PLCG2: variants seen among roughly 807,000 people sequenced by gnomAD.
PLCG2 encodes the protein 1-phosphatidylinositol 4,5-bisphosphate phosphodiesterase gamma-2.
PLCG2 carries 69 observed loss-of-function variants against 175.6 expected under a neutral mutation model. The observed-to-expected ratio is 0.39, with a 90% confidence interval of 0.32 to 0.48. PLCG2 has a LOEUF of 0.48. Ranked by LOEUF, PLCG2 falls within the 20% of genes least tolerant of loss-of-function variation. The pLI is 0.91. For missense variants in PLCG2, 1,798 were observed against 1,650.9 expected, an observed-to-expected ratio of 1.09 and a Z score of -1.54; for synonymous variants, 827 against 624.0, an observed-to-expected ratio of 1.33 and a Z score of -4.85.
At chr16:81,753,579 C>T (rs1392835352) in intron 1 of PLCG2, among the ~76,000 whole-genome samples, 1 of 152,020 alleles carries the variant, frequency 6.6e-6, no homozygotes, top group East Asian at 1.9e-4. Context: ...TTACCACGCC[C>T]AGCTAATTTT....
intron 7 of PLCG2, among the ~76,000 whole-genome samples, chr16:81,880,324 G>T (rs775006710): frequency 3.3e-5 from 5 of 152,194 alleles, no homozygotes; most frequent in African/African-American, 1.2e-4. Context: ...GAGCACCTTG[G>T]CAGAATTTAT....
At chr16:81,766,693 T>G (rs2143099760) in intron 2 of PLCG2, 1 of 152,400 alleles carries the variant, frequency 6.6e-6, no homozygotes, top group South Asian at 2.1e-4. Context: ...ATTTTGTCTT[T>G]TTTTCCCCTT....
chr16:81,939,324 G>A (rs753096673), intron 29 of PLCG2, among the ~76,000 whole-genome samples: 39 of 152,204 alleles, frequency 2.6e-4, no homozygotes, highest in Non-Finnish European at 4.3e-4. Flanking sequence ...GGGCAGGAGG[G>A]ACAAGAGGAA....
intron 8 of PLCG2, among the ~76,000 whole-genome samples, chr16:81,881,622 A>G (rs927295645): frequency 6.6e-6 from 1 of 152,232 alleles, no homozygotes; most frequent in African/African-American, 2.4e-5. Context: ...ACTCCAAAGT[A>G]TAAATAAAAT....
chr16:81,859,212 T>G lies in PLCG2; in HGVS notation c.479+49T>G, dbSNP rs377452291. On this transcript the variant is annotated intron_variant, in intron 5 of 32. Coordinates refer to ENST00000564138, the MANE Select transcript of PLCG2 (RefSeq NM_002661.5). The stretch of plus-strand genomic sequence containing the variant: ...TGATCACTTTGGATTTCGATCCTCA[T>G]TCTATCTTTAAACCTTCCAAGGGGG... The G allele has an allele frequency of 2.3e-4, 290 of 1,253,096 alleles. No individual in the cohort carries two copies. The African/African-American group carries it at 3.6e-3, about 16-fold the overall frequency. The allele number at this position is 1,253,096 out of a possible 1,614,324, so 77.6% of individuals were successfully genotyped here. A position where few individuals can be genotyped will look rare whatever the true frequency, so the allele number is the denominator to read the frequency against.
Position 81,860,172 on chromosome 16 carries a change from A to ATTATTATTATTATTT in PLCG2, c.479+1011_479+1012insATTATTATTATTTTT, listed in dbSNP as rs763047744. 2.6e-3 allele frequency among the ~76,000 whole-genome samples: 309 copies of ATTATTATTATTATTT among 120,588 alleles called. 1 individual carries two copies. The highest frequency in any genetic ancestry group is 3.6e-3 in the Admixed American group (40 of 11,060). The allele number at this position is 120,588 out of a possible 152,430, so 79.1% of individuals were successfully genotyped here. On this transcript the variant is annotated intron_variant, in intron 5 of 32. Transcript: ENST00000564138. ...TATTATTATTATTATTATTATTATTATTTTTTTTTTTTTTTGTAAAGGTGA... is the reference window on the plus strand; with the variant it reads ...TATTATTATTATTATTATTATTATTATTATTATTATTATTTTTTTTTTTTTTTTTTGTAAAGGTGA...
intron 10 of PLCG2, 63 bp downstream of exon 10, chr16:81,889,336 A>T (rs1354339676): frequency 1.1e-6 from 1 of 872,776 alleles, no homozygotes; most frequent in African/African-American, 1.7e-5. Flanking sequence ...GTGCTTTCTG[A>T]GGTTTATTTT....
At chr16:81,899,742 A>G (rs1042910733) in intron 13 of PLCG2, among the ~76,000 whole-genome samples, 2 of 152,200 alleles carry the variant, frequency 1.3e-5, no homozygotes, top group Non-Finnish European at 2.9e-5. Flanking sequence ...CCGATGGAGA[A>G]AACACCTGTG....
At chr16:81,855,749 G>A (rs1906651159) in intron 3 of PLCG2, among the ~76,000 whole-genome samples, 3 of 152,196 alleles carry the variant, frequency 2.0e-5, no homozygotes. Flanking sequence ...TGGGTTTTGA[G>A]GCTTCAGTAG....
At chr16:81,777,128 A>T (rs867949020), upstream of PLCG2, among the ~76,000 whole-genome samples, 1,045 of 152,026 alleles carry the variant, frequency 6.9e-3, 11 homozygotes, top group African/African-American at 0.024. Context: ...TTAAACAGAG[A>T]AACCTGTTCT....
upstream of PLCG2, among the ~76,000 whole-genome samples, chr16:81,776,910 C>G (rs1182567348): frequency 2.6e-5 from 4 of 152,206 alleles, no homozygotes; most frequent in South Asian, 6.2e-4. Flanking sequence ...TGAAGGGCCT[C>G]CAGTACTCTC....
intron 2 of PLCG2, among the ~76,000 whole-genome samples, chr16:81,843,862 G>A (rs1905964627): frequency 6.6e-6 from 1 of 152,190 alleles, no homozygotes; most frequent in Non-Finnish European, 1.5e-5. Flanking sequence ...ATGTGCCGTT[G>A]GTTGTGTGTC....
At chr16:81,925,452 C>CGG (rs58621683) in intron 22 of PLCG2, among the ~76,000 whole-genome samples, 4 of 151,872 alleles carry the variant, frequency 2.6e-5, no homozygotes, top group Admixed American at 6.6e-5. Flanking sequence ...AGAAATGGTG[C>CGG]GGGGGGGCGT....
chr16:81,827,730 G>T (rs916949255), intron 2 of PLCG2, among the ~76,000 whole-genome samples: 4 of 152,066 alleles, frequency 2.6e-5, no homozygotes, highest in African/African-American at 9.7e-5. Context: ...CATGCTGCAG[G>T]CTCAGGGTCC....
intron 1 of PLCG2, chr16:81,739,732 A>G (rs1419864395): frequency 6.6e-6 from 1 of 152,304 alleles, no homozygotes; most frequent in African/African-American, 2.4e-5. Context: ...GACCTTGGGC[A>G]AGGTACTTAA....
At chr16:81,823,140 A>T (rs1474877751) in intron 2 of PLCG2, among the ~76,000 whole-genome samples, 7 of 152,236 alleles carry the variant, frequency 4.6e-5, no homozygotes, top group Admixed American at 4.6e-4. Flanking sequence ...GGCCTCTTGG[A>T]TGATGGCGCC....
chr16:81,820,914 C>T (rs762085421), intron 2 of PLCG2, among the ~76,000 whole-genome samples: 66 of 151,694 alleles, frequency 4.4e-4, no homozygotes, highest in Non-Finnish European at 7.6e-4. Flanking sequence ...CACCATCATG[C>T]CTGGCTAATT....
intron 2 of PLCG2, among the ~76,000 whole-genome samples, chr16:81,828,226 A>T: frequency 7.1e-6 from 1 of 141,172 alleles, no homozygotes. Context: ...CAGACTGTTG[A>T]GAAATGTCAT....
At chr16:81,743,330 G>T (rs573710265) in intron 1 of PLCG2, among the ~76,000 whole-genome samples, 1 of 152,308 alleles carries the variant, frequency 6.6e-6, no homozygotes, top group South Asian at 2.1e-4. Flanking sequence ...CAGTCTGGAT[G>T]ACAGAGACAG....
Sources: gnomAD v4.1 joint callset for allele counts (sites outside exome capture counted in the v4.1 genomes callset) on GRCh38, gnomAD v4.1.1 for gene constraint, MANE v1.5 for transcripts, NCBI Gene and HGNC (gene_info 2026-07-23, HGNC 2026-07-21) for gene names.